The following ACSS3 variants were observed in gnomAD, a reference collection of about 807,000 sequenced individuals.
ACSS3 encodes the protein acyl-CoA synthetase short chain family member 3, also known as acyl-CoA synthetase short-chain family member 3, mitochondrial.
Under a neutral mutation model 84.2 loss-of-function variants are expected in ACSS3, and 64 were observed. The observed-to-expected ratio is 0.76, with a 90% confidence interval of 0.62 to 0.94. ACSS3 has a LOEUF of 0.94. ACSS3 is among the 40% of genes least tolerant of loss of function. ACSS3 has a pLI of 0.00. For missense variants in ACSS3, 815 were observed against 867.6 expected (o/e 0.94, Z 0.76); for synonymous variants, 317 against 310.1 (o/e 1.02, Z -0.23).
intron 13 of ACSS3, among the ~76,000 whole-genome samples, chr12:81,243,982 G>GTC (rs1477854298): frequency 6.6e-6 from 1 of 151,758 alleles, no homozygotes; most frequent in African/African-American, 2.4e-5. Context: ...TATTTTCCAT[G>GTC]TCTCCAAATA....
At position 81,213,851 on chromosome 12, in the gene ACSS3, C is replaced by CTCTCCTCTCCTCTCT. The variant is rs796395158; in HGVS notation, c.1355-3046_1355-3045insCTCTCCTCTCTTCTC. The stretch of plus-strand genomic sequence containing the variant: ...CTCTTCTCTTCTCTTCTCTCCTCTC[C>CTCTCCTCTCCTCTCT]TCTCTTCTCTTCCTTTCTTTCTTTC... On this transcript the variant is annotated intron_variant, in intron 9 of 15. Coordinates refer to ENST00000548058, the MANE Select transcript of ACSS3 (RefSeq NM_024560.4). Among the ~76,000 whole-genome samples, 316 of 60,800 alleles carry CTCTCCTCTCCTCTCT rather than the reference C, an allele frequency of 5.2e-3. 17 individuals are homozygous for CTCTCCTCTCCTCTCT. Among genetic ancestry groups the CTCTCCTCTCCTCTCT allele is most frequent in the Admixed American group, 0.041 (198 of 4,790 alleles). The allele number at this position is 60,800 out of a possible 152,430, so 39.9% of individuals were successfully genotyped here.
At chr12:81,127,850 A>G (rs1329586207) in intron 2 of ACSS3, among the ~76,000 whole-genome samples, 1 of 152,184 alleles carries the variant, frequency 6.6e-6, no homozygotes, top group Non-Finnish European at 1.5e-5. Context: ...GAAGCAAGTG[A>G]TAATTTGTTC....
At chr12:81,086,588 A>G (rs1475331939) in intron 1 of ACSS3, among the ~76,000 whole-genome samples, 1 of 152,164 alleles carries the variant, frequency 6.6e-6, no homozygotes, top group Non-Finnish European at 1.5e-5. Flanking sequence ...CTGATCAACT[A>G]CTAGGTGTTG....
intron 7 of ACSS3, among the ~76,000 whole-genome samples, chr12:81,163,146 G>T (rs772786242): frequency 1.3e-5 from 2 of 152,222 alleles, no homozygotes; most frequent in African/African-American, 2.4e-5. Context: ...GATCGGTATA[G>T]AAATGAACTC....
chr12:81,209,818 C>CCCT (rs1555181223), intron 9 of ACSS3, among the ~76,000 whole-genome samples: 2 of 152,116 alleles, frequency 1.3e-5, no homozygotes, highest in Non-Finnish European at 2.9e-5. Context: ...AAGTGCGGGT[C>CCCT]CCTCCCCTTT....
chr12:81,085,798 A>G (rs141017975), intron 1 of ACSS3, among the ~76,000 whole-genome samples: 1 of 152,348 alleles, frequency 6.6e-6, no homozygotes, highest in African/African-American at 2.4e-5. Context: ...GGATGGTGGT[A>G]ATGTGTCAAT....
chr12:81,132,967 T>C (rs1885598517), intron 2 of ACSS3, among the ~76,000 whole-genome samples: 1 of 152,182 alleles, frequency 6.6e-6, no homozygotes, highest in African/African-American at 2.4e-5. Flanking sequence ...TGTCTTGTTT[T>C]TTTGAGTTCC....
intron 7 of ACSS3, among the ~76,000 whole-genome samples, chr12:81,171,044 C>T (rs2030000599): frequency 6.6e-6 from 1 of 152,086 alleles, no homozygotes; most frequent in African/African-American, 2.4e-5. Context: ...TTACTGCATT[C>T]TTTCTGTTTA....
intron 1 of ACSS3, among the ~76,000 whole-genome samples, chr12:81,087,189 A>G (rs1021062465): frequency 2.6e-5 from 4 of 152,142 alleles, no homozygotes; most frequent in African/African-American, 9.7e-5. Context: ...AATAATTTAA[A>G]ACATTAATTG....
At chr12:81,175,576 A>G (rs2030410050) in intron 8 of ACSS3, among the ~76,000 whole-genome samples, 1 of 152,210 alleles carries the variant, frequency 6.6e-6, no homozygotes, top group African/African-American at 2.4e-5. Flanking sequence ...TTATCTGCGT[A>G]TGAGAAATAC....
chr12:81,236,773 A>T (rs2033641964), intron 13 of ACSS3, among the ~76,000 whole-genome samples: 1 of 151,004 alleles, frequency 6.6e-6, no homozygotes, highest in South Asian at 2.1e-4. Flanking sequence ...AATTTGTGAG[A>T]ACGTCTATGA....
chr12:81,093,464 C>CAA (rs11308483), intron 1 of ACSS3, among the ~76,000 whole-genome samples: 19 of 141,114 alleles, frequency 1.3e-4, no homozygotes, highest in African/African-American at 5.0e-4. Flanking sequence ...CCACCGCCAC[C>CAA]AAAAAAAAAA....
At chr12:81,234,549 T>C (rs1565735996) in intron 13 of ACSS3, among the ~76,000 whole-genome samples, 1 of 151,426 alleles carries the variant, frequency 6.6e-6, no homozygotes, top group African/African-American at 2.4e-5. Context: ...TTCCCATTCT[T>C]TCTAGAACTT....
rs189263902 is a variant in ACSS3, at chr12:81,226,370, C to T, written c.1515-4687C>T. Among the ~76,000 whole-genome samples the T allele has an allele frequency of 2.0e-4, 31 of 151,606 alleles. 1 individual carries two copies. The highest frequency in any genetic ancestry group is 6.0e-4 in the African/African-American group (25 of 41,422). On this transcript the variant is annotated intron_variant, in intron 11 of 15. Coordinates refer to ENST00000548058, the MANE Select transcript of ACSS3 (RefSeq NM_024560.4). ...TATTTCTGCAACACTGATATTTAGC[C>T]GTAGAACTATTTTTCCTGTTTTATA...
intron 8 of ACSS3, among the ~76,000 whole-genome samples, chr12:81,193,169 C>T (rs887773223): frequency 6.6e-6 from 1 of 152,046 alleles, no homozygotes; most frequent in Non-Finnish European, 1.5e-5. Context: ...GGAAGATAAC[C>T]ACAGATATAT....
chr12:81,227,054 C>T lies in ACSS3; in HGVS notation c.1515-4003C>T, dbSNP rs1009854594. Reference sequence around the variant, plus strand: ...AAATATTTGTTTTAAGGAATTAGCTCATGCAGTTGTGAAGGCTAGCAAGTA... The same window carrying T: ...AAATATTTGTTTTAAGGAATTAGCTTATGCAGTTGTGAAGGCTAGCAAGTA... On this transcript the variant is annotated intron_variant, in intron 11 of 15. Transcript: ENST00000548058. Among the ~76,000 whole-genome samples, 20 of 151,160 alleles carry T rather than the reference C, an allele frequency of 1.3e-4. No homozygotes were observed. In the South Asian group the frequency reaches 1.5e-3, roughly 11 times the overall value.
At chr12:81,162,803 G>A (rs946071534) in intron 7 of ACSS3, among the ~76,000 whole-genome samples, 1 of 152,184 alleles carries the variant, frequency 6.6e-6, no homozygotes, top group Non-Finnish European at 1.5e-5. Flanking sequence ...AGAGTTCAGA[G>A]GGGGCCAAGG....
At chr12:81,171,132 A>T (rs2030009275) in intron 7 of ACSS3, among the ~76,000 whole-genome samples, 1 of 152,144 alleles carries the variant, frequency 6.6e-6, no homozygotes, top group Admixed American at 6.6e-5. Flanking sequence ...TGTATGTTCC[A>T]TTAAAGCAGG....
chr12:81,259,249 A>G lies in ACSS3; in HGVS notation c.*4327A>G. On this transcript the variant is annotated 3_prime_UTR_variant, in exon 16 of 16. Transcript: ENST00000548058. ...ATACAAACAGTACTTGGAATTGTCAAATGTTTGCACTCGAGACTCCATGAA... is the reference window on the plus strand; with the variant it reads ...ATACAAACAGTACTTGGAATTGTCAGATGTTTGCACTCGAGACTCCATGAA... The G allele has an allele frequency of 3.6e-6, 1 of 274,502 alleles. No individual in the cohort carries two copies. The highest frequency in any genetic ancestry group is 7.0e-6 in the Non-Finnish European group (1 of 141,900). The allele number at this position is 274,502 out of a possible 1,614,324, so 17.0% of individuals were successfully genotyped here. A position where few individuals can be genotyped will look rare whatever the true frequency, so the allele number is the denominator to read the frequency against.
Sources: allele counts gnomAD v4.1 joint callset (sites outside exome capture counted in the v4.1 genomes callset), GRCh38; gene constraint gnomAD v4.1.1; transcripts MANE v1.5; gene names NCBI Gene and HGNC (gene_info 2026-07-23, HGNC 2026-07-21).